Variants in EFNB3 observed in about 807,000 individuals in gnomAD.
EFNB3 encodes the protein ephrin B3, also known as ephrin-B3.
A neutral mutation model predicts 29.8 loss-of-function variants in EFNB3; 14 were observed. That is an observed-to-expected ratio of 0.47 (90% confidence interval 0.31 to 0.73). The LOEUF (loss-of-function observed/expected upper bound fraction) is 0.73, where lower values mean the gene tolerates loss of function less well. Ranked by LOEUF, EFNB3 falls within the 30% of genes least tolerant of loss-of-function variation. The pLI, the probability that EFNB3 is intolerant of heterozygous loss-of-function variation, is 0.05. For missense variants in EFNB3, 408 were observed against 458.0 expected (o/e 0.89, Z 1.00); for synonymous variants, 216 against 191.6 (o/e 1.13, Z -1.05).
intron 1 of EFNB3, among the ~76,000 whole-genome samples, chr17:7,707,100 G>C (rs979913294): frequency 6.6e-6 from 1 of 152,148 alleles, no homozygotes; most frequent in Non-Finnish European, 1.5e-5. Context: ...AAGATATCAA[G>C]TAGCAGTCCC....
intron 1 of EFNB3, among the ~76,000 whole-genome samples, chr17:7,706,086 G>T (rs921427705): frequency 6.6e-6 from 1 of 150,994 alleles, no homozygotes; most frequent in Non-Finnish European, 1.5e-5. Flanking sequence ...CTGCAGATTA[G>T]GTGCTGCGAG....
intron 1 of EFNB3, among the ~76,000 whole-genome samples, chr17:7,707,552 G>A (rs764220880): frequency 2.6e-5 from 4 of 152,188 alleles, no homozygotes; most frequent in Admixed American, 6.5e-5. Flanking sequence ...GGCTCTGCCC[G>A]CATGGTTGGC....
At position 7,705,605 on chromosome 17, in the gene EFNB3, C is replaced by G. The variant is rs772033022; in HGVS notation, c.7C>G (p.Pro3Ala). The G allele has an allele frequency of 4.1e-6, 6 of 1,469,002 alleles. No individual in the cohort carries two copies. The Middle Eastern group carries it at 5.6e-4, about 137-fold the overall frequency. 91.0% of individuals were successfully genotyped at this position (1,469,002 alleles called of 1,614,324 possible). A position where few individuals can be genotyped will look rare whatever the true frequency, so the allele number is the denominator to read the frequency against. MG[P>A]PHSGPGGVRV... The stretch of plus-strand genomic sequence containing the variant: ...CCCAGGCCTTGGCGGGGTCATGGGG[C>G]CCCCCCATTCTGGGCCGGGGGGCGT... Residue 3 changes from proline (P) to alanine (A), a missense_variant, in exon 1 of 5, where the codon CCC becomes GCC. By Grantham distance (27) the Pro-to-Ala change is conservative. Transcript: ENST00000226091. This position sits in a 1 kb window ranked among gnomAD's most constrained non-coding sequence, Gnocchi z 5.4.
Position 7,705,317 on chromosome 17 carries a change from T to C in EFNB3, c.-282T>C, listed in dbSNP as rs568451470. On this transcript the variant is annotated 5_prime_UTR_variant, in exon 1 of 5. Transcript: ENST00000226091. This position sits in a 1 kb window ranked among gnomAD's most constrained non-coding sequence, Gnocchi z 5.4. ...ATGCCGCCCCCGCCCGGTCCCCGGC[T>C]CCCCCAGTCCCCCACTTAGGCGGGC... 11 of 243,090 alleles carry C rather than the reference T, an allele frequency of 4.5e-5. No homozygotes were observed. The East Asian group carries it at 9.3e-4, about 21-fold the overall frequency. The allele number at this position is 243,090 out of a possible 1,614,324, so 15.1% of individuals were successfully genotyped here.
rs143978362 is a variant in EFNB3 at position 7,709,470 on chromosome 17, C to G, written c.917C>G (p.Pro306Arg). Residue 306 changes from proline (P) to arginine (R), a missense_variant, in exon 5 of 5, where the codon CCC becomes CGC. By Grantham distance (103) the Pro-to-Arg change is moderately radical (BLOSUM62 -2). This residue lies in a region of EFNB3 where 233 missense variants were observed against 230.7 expected (regional missense o/e 1.01). Coordinates refer to ENST00000226091, the MANE Select transcript of EFNB3 (RefSeq NM_001406.4). The surrounding 1 kb of genome is among the most constrained non-coding windows in gnomAD (Gnocchi z 4.5). ...ALRGGGAADP[P>R]FCPHYEKVSG... The stretch of plus-strand genomic sequence containing the variant: ...CGGGGTGGCGGGGCTGCAGATCCCC[C>G]CTTCTGCCCCCACTATGAGAAGGTG... 2 of 1,613,686 alleles carry G rather than the reference C, an allele frequency of 1.2e-6. No individual in the cohort carries two copies. The highest frequency in any genetic ancestry group is 2.2e-5 in the East Asian group (1 of 44,874).
Position 7,705,443 on chromosome 17 carries a change from G to T in EFNB3, c.-156G>T, listed in dbSNP as rs914056293. ...GTGGGGCTGAGCGCTCTGCCGCGGG[G>T]GCGCGGGCACAGCAGGAAGCAGGTC... On this transcript the variant is annotated 5_prime_UTR_variant, in exon 1 of 5. Transcript: ENST00000226091. This position sits in a 1 kb window ranked among gnomAD's most constrained non-coding sequence, Gnocchi z 5.4. 5 of 504,584 alleles carry T rather than the reference G, an allele frequency of 9.9e-6. No individual in the cohort carries two copies. Among genetic ancestry groups the T allele is most frequent in the Non-Finnish European group, 1.7e-5 (5 of 292,090 alleles). 31.3% of individuals were successfully genotyped at this position (504,584 alleles called of 1,614,324 possible).
In EFNB3 at chr17:7,711,223, C is replaced by T. The variant is rs1010182908; in HGVS notation, c.*1647C>T. The T allele has an allele frequency of 6.6e-6, 1 of 152,582 alleles. No individual in the cohort carries two copies. Among genetic ancestry groups the T allele is most frequent in the Admixed American group, 6.6e-5 (1 of 15,262 alleles). The allele number at this position is 152,582 out of a possible 1,614,324, so 9.5% of individuals were successfully genotyped here. A position where few individuals can be genotyped will look rare whatever the true frequency, so the allele number is the denominator to read the frequency against. On this transcript the variant is annotated 3_prime_UTR_variant, in exon 5 of 5. Transcript: ENST00000226091. The stretch of plus-strand genomic sequence containing the variant: ...CTGGTGCTGTAGTTCCCAGCTCCTT[C>T]CTGATTTTTCTAATCGCTCCTTCTG...
Position 7,709,375 on chromosome 17 carries a change from T to C in EFNB3, c.822T>C (p.Ser274=). 1 of 1,580,550 alleles carries C rather than the reference T, an allele frequency of 6.3e-7. No homozygotes were observed. ...CTGGCTCCTTCGGGAGGGGAGGGTC[T>C]CTGGGCCTGGGGGGTGGAGGTGGGA... is the stretch of plus-strand genomic sequence containing the variant. ...PGPGSFGRGG[S]LGLGGGGGMG... The change falls in exon 5 of 5, where the codon TCT becomes TCC. Residue 274 remains serine, a synonymous_variant. Transcript: ENST00000226091. This position sits in a 1 kb window ranked among gnomAD's most constrained non-coding sequence, Gnocchi z 4.5.
chr17:7,708,409 C>T lies in EFNB3; in HGVS notation c.416-26C>T, dbSNP rs778290122. The T allele has an allele frequency of 1.2e-6, 2 of 1,605,884 alleles. No homozygotes were observed. The highest frequency in any genetic ancestry group is 1.1e-5 in the South Asian group (1 of 89,844). ...CAGGGCTAGATTCTGGAGTGCCAAC[C>T]TCTTCCTCTGGCTTTTCTCTCCCAG... On this transcript the variant is annotated intron_variant, in intron 2 of 4. Transcript: ENST00000226091. This position sits in a 1 kb window ranked among gnomAD's most constrained non-coding sequence, Gnocchi z 6.8.
rs962605727 is a variant in EFNB3 at position 7,708,369 on chromosome 17, G to A, written c.416-66G>A. 11 of 1,589,766 alleles carry A rather than the reference G, an allele frequency of 6.9e-6. No individual in the cohort carries two copies. Among genetic ancestry groups the A allele is most frequent in the Non-Finnish European group, 9.4e-6 (11 of 1,166,982 alleles). On this transcript the variant is annotated intron_variant, in intron 2 of 4. Coordinates refer to ENST00000226091, the MANE Select transcript of EFNB3 (RefSeq NM_001406.4). The surrounding 1 kb of genome is among the most constrained non-coding windows in gnomAD (Gnocchi z 6.8). ...GCCCTCAGGCAGTGTTCACACCAGGGTGTGGGGCCAGAATCAGGGCTAGAT... is the reference window on the plus strand; with the variant it reads ...GCCCTCAGGCAGTGTTCACACCAGGATGTGGGGCCAGAATCAGGGCTAGAT...
chr17:7,706,557 G>A (rs954332515), intron 1 of EFNB3, among the ~76,000 whole-genome samples: 2 of 152,120 alleles, frequency 1.3e-5, no homozygotes, highest in Admixed American at 6.5e-5. Flanking sequence ...GCCTACATGC[G>A]GATCCCACTT....
Position 7,709,386 on chromosome 17 carries a change from G to C in EFNB3, c.833G>C (p.Gly278Ala). 1 of 1,596,916 alleles carries C rather than the reference G, an allele frequency of 6.3e-7. No individual in the cohort carries two copies. The highest frequency in any genetic ancestry group is 8.5e-7 in the Non-Finnish European group (1 of 1,170,766). Reference protein sequence around the residue: ...SFGRGGSLGLGGGGGMGPREA... With the variant: ...SFGRGGSLGLAGGGGMGPREA... ...GGGAGGGGAGGGTCTCTGGGCCTGGGGGGTGGAGGTGGGATGGGACCTCGG... is the reference window on the plus strand; with the variant it reads ...GGGAGGGGAGGGTCTCTGGGCCTGGCGGGTGGAGGTGGGATGGGACCTCGG... The change falls in exon 5 of 5, where the codon GGG becomes GCG. Residue 278 changes from glycine (G) to alanine (A), a missense_variant. Transcript: ENST00000226091. This position sits in a 1 kb window ranked among gnomAD's most constrained non-coding sequence, Gnocchi z 4.5.
In EFNB3 at chr17:7,708,662, A is replaced by T. The variant is rs757537417; in HGVS notation, c.536A>T (p.Lys179Ile). The T allele has an allele frequency of 3.8e-6, 6 of 1,580,768 alleles. No homozygotes were observed. Among genetic ancestry groups the T allele is most frequent in the African/African-American group, 2.7e-5 (2 of 74,046 alleles). The change falls in exon 4 of 5, where the codon AAA becomes ATA. Residue 179 changes from lysine to isoleucine, a missense_variant. Physicochemically the swap from Lys to Ile is moderately radical, Grantham distance 102. This residue lies in a region of EFNB3 where 233 missense variants were observed against 230.7 expected (regional missense o/e 1.01). Coordinates refer to ENST00000226091, the MANE Select transcript of EFNB3 (RefSeq NM_001406.4). This position sits in a 1 kb window ranked among gnomAD's most constrained non-coding sequence, Gnocchi z 6.8. ...QSPRGGAVPR[K>I]PVSEMPMERD... Reference sequence around the variant, plus strand: ...CCCCGAGGAGGGGCTGTCCCCCGAAAACCTGTGTCTGAAATGCCCATGGAA... The same window carrying T: ...CCCCGAGGAGGGGCTGTCCCCCGAATACCTGTGTCTGAAATGCCCATGGAA...
Position 7,709,824 on chromosome 17 carries a change from G to A in EFNB3, c.*248G>A. ...CAGTGTCCCTGGATCCTTTTTCCTTGGGGAGGGGCACAGGCTCAGCCTCCT... is the reference window on the plus strand; with the variant it reads ...CAGTGTCCCTGGATCCTTTTTCCTTAGGGAGGGGCACAGGCTCAGCCTCCT... On this transcript the variant is annotated 3_prime_UTR_variant, in exon 5 of 5. Coordinates refer to ENST00000226091, the MANE Select transcript of EFNB3 (RefSeq NM_001406.4). The surrounding 1 kb of genome is among the most constrained non-coding windows in gnomAD (Gnocchi z 4.5). 1 of 576,270 alleles carries A rather than the reference G, an allele frequency of 1.7e-6. No homozygotes were observed. Among genetic ancestry groups the A allele is most frequent in the Middle Eastern group, 4.6e-4 (1 of 2,178 alleles). 35.7% of individuals were successfully genotyped at this position (576,270 alleles called of 1,614,324 possible). A position where few individuals can be genotyped will look rare whatever the true frequency, so the allele number is the denominator to read the frequency against.
chr17:7,705,558 T>G lies in EFNB3; in HGVS notation c.-41T>G. 1.6e-6 allele frequency: 2 copies of G among 1,230,502 alleles called. No homozygotes were observed. The highest frequency in any genetic ancestry group is 2.2e-6 in the Non-Finnish European group (2 of 922,560). The allele number at this position is 1,230,502 out of a possible 1,614,324, so 76.2% of individuals were successfully genotyped here. A position where few individuals can be genotyped will look rare whatever the true frequency, so the allele number is the denominator to read the frequency against. ...AGCCACCCCGGGGGGTGGGCGACTT[T>G]GGGGGAGTTGGTGCCCCGCCCCCCA... On this transcript the variant is annotated 5_prime_UTR_variant, in exon 1 of 5. Coordinates refer to ENST00000226091, the MANE Select transcript of EFNB3 (RefSeq NM_001406.4). The surrounding 1 kb of genome is among the most constrained non-coding windows in gnomAD (Gnocchi z 5.4).
In EFNB3 at chr17:7,709,501, T is replaced by C; in HGVS notation, c.948T>C (p.Gly316=). The change falls in exon 5 of 5, where the codon GGT becomes GGC. Residue 316 remains glycine (G), a synonymous_variant. Coordinates refer to ENST00000226091, the MANE Select transcript of EFNB3 (RefSeq NM_001406.4). This position sits in a 1 kb window ranked among gnomAD's most constrained non-coding sequence, Gnocchi z 4.5. ...GCCCCCACTATGAGAAGGTGAGTGG[T>C]GACTATGGGCATCCTGTGTATATCG... ...PFCPHYEKVS[G]DYGHPVYIVQ... 6.2e-7 allele frequency: 1 copy of C among 1,613,780 alleles called. No homozygotes were observed. Among genetic ancestry groups the C allele is most frequent in the Non-Finnish European group, 8.5e-7 (1 of 1,179,876 alleles).
Position 7,709,631 on chromosome 17 carries a change from G to C in EFNB3, c.*55G>C. The C allele has an allele frequency of 6.2e-7, 1 of 1,608,764 alleles. No homozygotes were observed. The highest frequency in any genetic ancestry group is 8.5e-7 in the Non-Finnish European group (1 of 1,177,374). On this transcript the variant is annotated 3_prime_UTR_variant, in exon 5 of 5. Transcript: ENST00000226091. The surrounding 1 kb of genome is among the most constrained non-coding windows in gnomAD (Gnocchi z 4.5). ...CAGCCCTTCTTGGGGTGCTCCTCCA[G>C]TTTAATTCCTGGTTTGAGGGACACC...
rs1057428671 is a variant in EFNB3 at position 7,709,716 on chromosome 17, C to T, written c.*140C>T. 22 of 867,886 alleles carry T rather than the reference C, an allele frequency of 2.5e-5. No individual in the cohort carries two copies. The Admixed American group carries it at 3.9e-4, about 15-fold the overall frequency. The allele number at this position is 867,886 out of a possible 1,614,324, so 53.8% of individuals were successfully genotyped here. A position where few individuals can be genotyped will look rare whatever the true frequency, so the allele number is the denominator to read the frequency against. Reference sequence around the variant, plus strand: ...CTTCACTCCTCCCGGCTGCTGTCCTCGTCTCCACTTTTAGGATTCCTTAGG... The same window carrying T: ...CTTCACTCCTCCCGGCTGCTGTCCTTGTCTCCACTTTTAGGATTCCTTAGG... On this transcript the variant is annotated 3_prime_UTR_variant, in exon 5 of 5. Coordinates refer to ENST00000226091, the MANE Select transcript of EFNB3 (RefSeq NM_001406.4). The surrounding 1 kb of genome is among the most constrained non-coding windows in gnomAD (Gnocchi z 4.5).
rs184447646 is a variant in EFNB3, at chr17:7,709,086, C to A, written c.614-81C>A. On this transcript the variant is annotated intron_variant, in intron 4 of 4. Coordinates refer to ENST00000226091, the MANE Select transcript of EFNB3 (RefSeq NM_001406.4). This position sits in a 1 kb window ranked among gnomAD's most constrained non-coding sequence, Gnocchi z 4.5. ...GCGCTACAAGGGAAGCCCATGGGGA[C>A]CCCCAGGGTTGGGTGTCCAGGTGCC... 9.8e-4 allele frequency: 1,374 copies of A among 1,407,494 alleles called. 2 individuals are homozygous for A. Among genetic ancestry groups the A allele is most frequent in the Middle Eastern group, 4.4e-3 (18 of 4,134 alleles). The allele number at this position is 1,407,494 out of a possible 1,614,324, so 87.2% of individuals were successfully genotyped here. A position where few individuals can be genotyped will look rare whatever the true frequency, so the allele number is the denominator to read the frequency against.
Sources: gnomAD v4.1 joint callset for allele counts (sites outside exome capture counted in the v4.1 genomes callset) on GRCh38, gnomAD v4.1.1 for gene constraint, gnomAD v4.1.1 regional missense constraint, Gnocchi (gnomAD v3.1) non-coding constraint, MANE v1.5 for transcripts, NCBI Gene and HGNC (gene_info 2026-07-23, HGNC 2026-07-21) for gene names.